Variants in GTF2A2 observed in about 807,000 individuals in gnomAD.
GTF2A2 encodes general transcription factor IIA subunit 2, also known as transcription initiation factor IIA subunit 2.
GTF2A2 carries 9 observed loss-of-function variants against 14.3 expected under a neutral mutation model. That is an observed-to-expected ratio of 0.63 (90% confidence interval 0.38 to 1.10). The LOEUF (loss-of-function observed/expected upper bound fraction) is 1.10, where lower values mean the gene tolerates loss of function less well. Among genes scored for constraint, GTF2A2 ranks in the 50% least tolerant of loss-of-function variants. The probability of loss-of-function intolerance (pLI) is 0.01; values close to 1 mark genes in which losing one functional copy is unlikely to be tolerated. For missense variants in GTF2A2, 90 were observed against 124.6 expected, an observed-to-expected ratio of 0.72 and a Z score of 1.32; for synonymous variants, 56 against 46.0, an observed-to-expected ratio of 1.22 and a Z score of -0.88.
chr15:59,639,296 G>C (rs192764763), intron 4 of GTF2A2, 139 bp from the exon 5 acceptor site: 8 of 664,046 alleles, frequency 1.2e-5, no homozygotes, highest in African/African-American at 1.1e-4. Flanking sequence ...AGAACAGGAG[G>C]AAAGGTGACA....
At chr15:59,647,611 C>T (rs963976765) in intron 3 of GTF2A2, among the ~76,000 whole-genome samples, 8 of 152,240 alleles carry the variant, frequency 5.3e-5, no homozygotes, top group African/African-American at 1.9e-4. Flanking sequence ...TACAGTCTCA[C>T]TCTGTGGCCC....
At chr15:59,650,406 A>G (rs1891755708) in intron 3 of GTF2A2, among the ~76,000 whole-genome samples, 1 of 152,222 alleles carries the variant, frequency 6.6e-6, no homozygotes, top group Admixed American at 6.5e-5. Flanking sequence ...GTAACTCTTC[A>G]GGGAAGGTAG....
rs8027679 is a variant in GTF2A2 at position 59,638,573 on chromosome 15, G to C, written c.*559C>G. On this transcript the variant is annotated 3_prime_UTR_variant, in exon 5 of 5. Coordinates refer to ENST00000396060, the MANE Select transcript of GTF2A2 (RefSeq NM_004492.3). ...CTAAGAAGGAAAGTTTTTTGGTTTT[G>C]TTTTTGCTATGATTGTCTAACTTTT... 0.67 allele frequency: 101,126 copies of C among 151,938 alleles called. 33,956 individuals carry two copies. The highest frequency in any genetic ancestry group is 0.73 in the African/African-American group (30,182 of 41,438). The allele number at this position is 151,938 out of a possible 1,614,324, so 9.4% of individuals were successfully genotyped here.
chr15:59,655,307 T>C (rs1301902576), intron 1 of GTF2A2, among the ~76,000 whole-genome samples: 1 of 152,244 alleles, frequency 6.6e-6, no homozygotes, highest in East Asian at 1.9e-4. Context: ...TAGTTTTGTC[T>C]GTATTCACTG....
intron 3 of GTF2A2, among the ~76,000 whole-genome samples, chr15:59,650,314 G>C (rs1891753452): frequency 6.6e-6 from 1 of 152,154 alleles, no homozygotes; most frequent in East Asian, 1.9e-4. Context: ...GCCAGACTTT[G>C]AAAACCATAA....
chr15:59,639,501 C>T lies in GTF2A2; in HGVS notation c.305-344G>A, dbSNP rs568368714. 6.4e-5 allele frequency among the ~76,000 whole-genome samples: 9 copies of T among 140,816 alleles called. No homozygotes were observed. In the South Asian group the frequency reaches 1.3e-3, roughly 21 times the overall value. 92.4% of individuals were successfully genotyped at this position (140,816 alleles called of 152,430 possible). A position where few individuals can be genotyped will look rare whatever the true frequency, so the allele number is the denominator to read the frequency against. Reference sequence around the variant, plus strand: ...TTTTTGAGATGGAGTCTAGCTGTTGCCCAGGCTGGAGTGCAGTGGCGTGAT... The same window carrying T: ...TTTTTGAGATGGAGTCTAGCTGTTGTCCAGGCTGGAGTGCAGTGGCGTGAT... On this transcript the variant is annotated intron_variant, in intron 4 of 4. Transcript: ENST00000396060.
At chr15:59,643,556 G>C (rs1891504075) in intron 3 of GTF2A2, among the ~76,000 whole-genome samples, 1 of 149,528 alleles carries the variant, frequency 6.7e-6, no homozygotes, top group African/African-American at 2.5e-5. Flanking sequence ...GTTTAAAGTA[G>C]GAATATATAT....
intron 3 of GTF2A2, among the ~76,000 whole-genome samples, chr15:59,648,401 C>CA (rs71425875): frequency 0.42 from 38,209 of 90,408 alleles, 8,998 homozygotes; most frequent in East Asian, 0.79. Context: ...GACTTCGTCT[C>CA]AAAAAAAAAA....
chr15:59,642,073 C>A, intron 4 of GTF2A2, 63 bp downstream of exon 4: 1 of 1,461,248 alleles, frequency 6.8e-7, no homozygotes, highest in Non-Finnish European at 9.2e-7. Flanking sequence ...GGATGCAGAT[C>A]TTCTAAAGGC....
intron 4 of GTF2A2, among the ~76,000 whole-genome samples, chr15:59,641,362 T>C (rs1187154201): frequency 2.0e-5 from 3 of 152,196 alleles, no homozygotes; most frequent in Non-Finnish European, 1.5e-5. Flanking sequence ...ATTGATTGAT[T>C]AGCTATTTCT....
At chr15:59,644,278 C>T (rs142491385) in intron 3 of GTF2A2, 1 of 152,312 alleles carries the variant, frequency 6.6e-6, no homozygotes, top group East Asian at 1.9e-4. Context: ...CACATGCACA[C>T]ATATAGTCAC....
chr15:59,645,200 T>C (rs1427176396), intron 3 of GTF2A2, among the ~76,000 whole-genome samples: 1 of 152,130 alleles, frequency 6.6e-6, no homozygotes, highest in African/African-American at 2.4e-5. Context: ...TAAAGTTAAA[T>C]TTGGAACTTG....
At chr15:59,646,854 G>C (rs146127307) in intron 3 of GTF2A2, among the ~76,000 whole-genome samples, 237 of 151,998 alleles carry the variant, frequency 1.6e-3, no homozygotes, top group African/African-American at 5.3e-3. Context: ...AGAATAATTT[G>C]AATTAGAATC....
At position 59,656,030 on chromosome 15, in the gene GTF2A2, C is replaced by T. The variant is rs370282858; in HGVS notation, c.-50+1376G>A. 1.4e-4 allele frequency among the ~76,000 whole-genome samples: 21 copies of T among 152,326 alleles called. No individual in the cohort carries two copies. In the East Asian group the frequency reaches 3.5e-3, roughly 25 times the overall value. ...ACTCACCCCTACACTCTAATCACAA[C>T]TCACAGCCAGGGTGATCTTCTAAAA... On this transcript the variant is annotated intron_variant, in intron 1 of 4. Transcript: ENST00000396060.
chr15:59,656,633 A>C (rs1322375505), intron 1 of GTF2A2, among the ~76,000 whole-genome samples: 1 of 152,190 alleles, frequency 6.6e-6, no homozygotes, highest in African/African-American at 2.4e-5. Flanking sequence ...AGTAAGTATA[A>C]TATGCGTGTG....
intron 3 of GTF2A2, among the ~76,000 whole-genome samples, chr15:59,644,624 A>C (rs745469231): frequency 3.6e-4 from 55 of 152,210 alleles, no homozygotes; most frequent in Non-Finnish European, 5.0e-4. Flanking sequence ...GGGTACAATG[A>C]GAGTACAGCA....
chr15:59,649,141 C>A (rs532053813), intron 3 of GTF2A2, among the ~76,000 whole-genome samples: 1 of 152,182 alleles, frequency 6.6e-6, no homozygotes, highest in South Asian at 2.1e-4. Flanking sequence ...ATATGCTACA[C>A]TAAGCTAAAC....
At position 59,642,172 on chromosome 15, in the gene GTF2A2, C is replaced by T; in HGVS notation, c.268G>A (p.Val90Met). 1 of 1,609,852 alleles carries T rather than the reference C, an allele frequency of 6.2e-7. No homozygotes were observed. The highest frequency in any genetic ancestry group is 8.5e-7 in the Non-Finnish European group (1 of 1,178,160). ...EFREVTELIK[V>M]DKVKIVACDG... is the part of the protein sequence containing the mutation. ...CAGGCTACAATTTTCACTTTATCCA[C>T]TTTAATAAGTTCTGTCACCTCTCTG... The change falls in exon 4 of 5, where the codon GTG becomes ATG. Residue 90 changes from valine (V) to methionine (M), a missense_variant. By Grantham distance (21) the Val-to-Met change is conservative. Coordinates refer to ENST00000396060, the MANE Select transcript of GTF2A2 (RefSeq NM_004492.3).
intron 3 of GTF2A2, among the ~76,000 whole-genome samples, chr15:59,646,777 G>C (rs1487498528): frequency 6.6e-6 from 1 of 152,108 alleles, no homozygotes; most frequent in Non-Finnish European, 1.5e-5. Flanking sequence ...GTGCACATTA[G>C]CTACGTAACT....
Sources: allele counts gnomAD v4.1 joint callset (sites outside exome capture counted in the v4.1 genomes callset), GRCh38; gene constraint gnomAD v4.1.1; transcripts MANE v1.5; gene names NCBI Gene and HGNC (gene_info 2026-07-23, HGNC 2026-07-21).